MYBL1: variants seen among roughly 807,000 people sequenced by gnomAD.
MYBL1 encodes the protein myb-related protein A.
Under a neutral mutation model 96.3 loss-of-function variants are expected in MYBL1, and 17 were observed. That is an observed-to-expected ratio of 0.18 (90% CI 0.12 to 0.26). The LOEUF (loss-of-function observed/expected upper bound fraction) is 0.26. MYBL1 is among the 10% of genes least tolerant of loss of function. The probability of loss-of-function intolerance (pLI) is 1.00; values close to 1 mark genes in which losing one functional copy is unlikely to be tolerated. For missense variants in MYBL1, 701 were observed against 882.9 expected (o/e 0.79, Z 2.61); for synonymous variants, 282 against 292.7 (o/e 0.96, Z 0.37).
chr8:66,612,778 A>G, intron 1 of MYBL1, 41 bp downstream of exon 1: 1 of 1,348,478 alleles, frequency 7.4e-7, no homozygotes, highest in Non-Finnish European at 9.6e-7. Context: ...ATCTGAGCCG[A>G]GACGGCGCCG....
intron 1 of MYBL1, among the ~76,000 whole-genome samples, chr8:66,609,885 T>G (rs1347778237): frequency 6.6e-6 from 1 of 151,974 alleles, no homozygotes; most frequent in Non-Finnish European, 1.5e-5. Context: ...CAAAACCGAT[T>G]AAAAGATCAG....
Position 66,602,699 on chromosome 8 carries a change from CTATATATATATATA to C in MYBL1, c.21-190_21-177del, listed in dbSNP as rs67236935. The stretch of plus-strand genomic sequence containing the variant: ...AGTCAGACAGCGGGGTGGGGTGGAG[CTATATATATATATA>C]TATATATATATATATATATATTTTT... On this transcript the variant is annotated intron_variant, in intron 1 of 15. Transcript: ENST00000522677. 2.5e-3 allele frequency among the ~76,000 whole-genome samples: 67 copies of C among 27,272 alleles called. 2 individuals are homozygous for C. The highest frequency in any genetic ancestry group is 8.5e-3 in the African/African-American group (56 of 6,612). 17.9% of individuals were successfully genotyped at this position (27,272 alleles called of 152,430 possible). A position where few individuals can be genotyped will look rare whatever the true frequency, so the allele number is the denominator to read the frequency against.
chr8:66,601,501 G>A (rs1420264198), intron 3 of MYBL1, among the ~76,000 whole-genome samples, 197 bp downstream of exon 3: 5 of 151,928 alleles, frequency 3.3e-5, no homozygotes, highest in South Asian at 4.2e-4. Context: ...CTGGATAAAC[G>A]CATTACTAGA....
chr8:66,612,405 C>T (rs956607510), intron 1 of MYBL1: 2 of 200,222 alleles, frequency 1.0e-5, no homozygotes, highest in South Asian at 3.8e-4. Context: ...CCTATTTTGA[C>T]TGTACCGTCA....
chr8:66,597,661 A>G, intron 4 of MYBL1, 111 bp from the exon 5 acceptor site: 1 of 680,706 alleles, frequency 1.5e-6, no homozygotes, highest in South Asian at 2.2e-5. Flanking sequence ...CACAACTACA[A>G]TTTGTTAAAA....
intron 10 of MYBL1, among the ~76,000 whole-genome samples, chr8:66,575,188 C>A (rs1210041805): frequency 1.3e-5 from 2 of 152,196 alleles, no homozygotes; most frequent in Non-Finnish European, 2.9e-5. Context: ...TCTAGACATC[C>A]TTAGGAAACC....
intron 8 of MYBL1, among the ~76,000 whole-genome samples, chr8:66,582,701 G>A (rs1377810335): frequency 8.1e-5 from 12 of 147,966 alleles, no homozygotes; most frequent in South Asian, 2.1e-4. Context: ...CTGGGGGGAC[G>A]GAGTGAAACC....
At chr8:66,602,079 C>T (rs891775437) in intron 2 of MYBL1, among the ~76,000 whole-genome samples, 12 of 151,642 alleles carry the variant, frequency 7.9e-5, no homozygotes, top group African/African-American at 2.9e-4. Context: ...GATGGAGTCT[C>T]GCTCTGTCAC....
At position 66,566,323 on chromosome 8, in the gene MYBL1, G is replaced by A. The variant is rs138091992; in HGVS notation, c.1951-80C>T. ...GAGGGACTACTGAGTAAGTGGTAAT[G>A]GAAGCCCTGTTTATTTCCCTCCAAG... On this transcript the variant is annotated intron_variant, in intron 14 of 15. Coordinates refer to ENST00000522677, the MANE Select transcript of MYBL1 (RefSeq NM_001080416.4). The A allele has an allele frequency of 5.6e-4, 437 of 785,616 alleles. 4 individuals are homozygous for A. In the East Asian group the frequency reaches 0.013, roughly 23 times the overall value. The allele number at this position is 785,616 out of a possible 1,614,324, so 48.7% of individuals were successfully genotyped here.
intron 12 of MYBL1, among the ~76,000 whole-genome samples, chr8:66,567,568 G>A (rs1808555433): frequency 6.6e-6 from 1 of 151,814 alleles, no homozygotes; most frequent in Non-Finnish European, 1.5e-5. Context: ...GGGAGGGTAG[G>A]TTACAGAGAG....
At chr8:66,611,239 A>T (rs558960415) in intron 1 of MYBL1, among the ~76,000 whole-genome samples, 50 of 152,356 alleles carry the variant, frequency 3.3e-4, no homozygotes, top group African/African-American at 1.2e-3. Flanking sequence ...AATACTGATA[A>T]GTAGATAATA....
Position 66,580,265 on chromosome 8 carries a change from A to T in MYBL1, c.969T>A (p.Ser323Arg). ...CAGACACAGGCTGATTTTCATCCAT[A>T]CTGTAAAACTCACTAGTGTGCTCGT... Reference protein sequence around the residue: ...SLDEHTSEFYSMDENQPVSAQ... With the variant: ...SLDEHTSEFYRMDENQPVSAQ... The change falls in exon 9 of 16, where the codon AGT (serine) becomes AGA (arginine). Residue 323 changes from serine (S) to arginine (R), a missense_variant. This residue lies in a region of MYBL1 where 396 missense variants were observed against 407.4 expected (regional missense o/e 0.97). Transcript: ENST00000522677. 1 of 1,613,832 alleles carries T rather than the reference A, an allele frequency of 6.2e-7. No individual in the cohort carries two copies. The highest frequency in any genetic ancestry group is 8.5e-7 in the Non-Finnish European group (1 of 1,179,770).
chr8:66,567,032 G>T, intron 12 of MYBL1, 40 bp from the exon 13 acceptor site: 1 of 1,384,906 alleles, frequency 7.2e-7, no homozygotes, highest in South Asian at 1.2e-5. Flanking sequence ...GTCATTTATA[G>T]CAATTCCTTT....
intron 1 of MYBL1, among the ~76,000 whole-genome samples, chr8:66,611,983 A>T (rs1810547880): frequency 6.6e-6 from 1 of 152,008 alleles, no homozygotes; most frequent in African/African-American, 2.4e-5. Context: ...TATCTAAGCA[A>T]TTACTCCACA....
chr8:66,593,337 T>C (rs1365199833), intron 6 of MYBL1, 143 bp from the exon 7 acceptor site: 5 of 502,434 alleles, frequency 1.0e-5, no homozygotes, highest in Admixed American at 3.6e-5. Flanking sequence ...GTTATACCTA[T>C]AATACTTTCT....
intron 8 of MYBL1, among the ~76,000 whole-genome samples, chr8:66,591,922 T>C (rs78539237): frequency 0.015 from 2,229 of 152,080 alleles, 65 homozygotes; most frequent in African/African-American, 0.051. Context: ...TCAAGAAGTA[T>C]CCTAATACAG....
Position 66,612,834 on chromosome 8 carries a change from G to T in MYBL1, c.5C>A (p.Ala2Glu), listed in dbSNP as rs767251756. The T allele has an allele frequency of 1.2e-5, 17 of 1,373,422 alleles. 1 individual carries two copies. Among genetic ancestry groups the T allele is most frequent in the Non-Finnish European group, 9.5e-7 (1 of 1,054,512 alleles). 85.1% of individuals were successfully genotyped at this position (1,373,422 alleles called of 1,614,324 possible). Residue 2 changes from alanine (A) to glutamate (E), a missense_variant, in exon 1 of 16, where the codon GCG becomes GAG. Around this residue, in one of 5 missense-constraint regions of MYBL1, gnomAD observed 68 missense variants for 93.8 expected, o/e 0.72. Coordinates refer to ENST00000522677, the MANE Select transcript of MYBL1 (RefSeq NM_001080416.4). ...TGCCACCCACCTGCGCGACCTCTTC[G>T]CCATCCTTCAAGTACCGCATAGGAG... MAKRSRSEDEDD... is the reference protein window; with the variant it reads MEKRSRSEDEDD...
At position 66,612,856 on chromosome 8, in the gene MYBL1, G is replaced by T; in HGVS notation, c.-18C>A. On this transcript the variant is annotated 5_prime_UTR_variant, in exon 1 of 16. Coordinates refer to ENST00000522677, the MANE Select transcript of MYBL1 (RefSeq NM_001080416.4). ...TTCGCCATCCTTCAAGTACCGCATA[G>T]GAGCAGGCTGGGCGGGGACGCGGGT... The T allele has an allele frequency of 7.3e-7, 1 of 1,360,882 alleles. No individual in the cohort carries two copies. The highest frequency in any genetic ancestry group is 2.1e-5 in the South Asian group (1 of 47,846). 84.3% of individuals were successfully genotyped at this position (1,360,882 alleles called of 1,614,324 possible). A position where few individuals can be genotyped will look rare whatever the true frequency, so the allele number is the denominator to read the frequency against.
chr8:66,588,040 CTT>C, intron 8 of MYBL1, among the ~76,000 whole-genome samples: 1 of 152,112 alleles, frequency 6.6e-6, no homozygotes, highest in East Asian at 1.9e-4. Context: ...TTAAAGTAAT[CTT>C]ATTTCATTTC....
Sources: gnomAD v4.1 joint callset for allele counts (sites outside exome capture counted in the v4.1 genomes callset) on GRCh38, gnomAD v4.1.1 for gene constraint, gnomAD v4.1.1 regional missense constraint, MANE v1.5 for transcripts, NCBI Gene and HGNC (gene_info 2026-07-23, HGNC 2026-07-21) for gene names.